Variants in CDH18 observed in about 807,000 individuals in gnomAD.
The protein encoded by CDH18 is cadherin 18, also known as cadherin-18.
A neutral mutation model predicts 67.9 loss-of-function variants in CDH18; 31 were observed. The ratio of observed to expected loss-of-function variants is 0.46; its 90% CI spans 0.34 to 0.62. CDH18 has a LOEUF of 0.62. CDH18 is among the 20% of genes least tolerant of loss of function. CDH18 has a pLI of 0.01. For synonymous variants in CDH18, 362 were observed against 347.2 expected (o/e 1.04, Z -0.48); for missense variants, 890 against 975.5 (o/e 0.91, Z 1.17).
At chr5:19,710,352 G>A (rs1764556812) in intron 5 of CDH18, among the ~76,000 whole-genome samples, 1 of 152,072 alleles carries the variant, frequency 6.6e-6, no homozygotes, top group Admixed American at 6.6e-5. Flanking sequence ...TGTCTTCTAT[G>A]TGTCACACAA....
Position 20,042,966 on chromosome 5 carries a change from A to AAATTAATT in CDH18, c.-517-50960_-517-50953dup, listed in dbSNP as rs36074065. On this transcript the variant is annotated intron_variant, in intron 2 of 14. Transcript: ENST00000507958. ...GACAGAGCCAGACTCCGTCTCAAAA[A>AAATTAATT]AATTAATTAATTAATTAATTAATTA... 2.1e-4 allele frequency among the ~76,000 whole-genome samples: 32 copies of AAATTAATT among 151,604 alleles called. No homozygotes were observed. In the East Asian group the frequency reaches 4.9e-3, roughly 23 times the overall value.
chr5:19,609,481 C>T (rs1299674173), intron 6 of CDH18, among the ~76,000 whole-genome samples: 2 of 151,954 alleles, frequency 1.3e-5, no homozygotes, highest in African/African-American at 2.4e-5. Context: ...TCCTAAGCTA[C>T]TGAGTTTGTA....
chr5:19,521,748 A>C (rs945899270), intron 9 of CDH18, among the ~76,000 whole-genome samples: 5 of 152,092 alleles, frequency 3.3e-5, no homozygotes, highest in Admixed American at 6.6e-5. Context: ...TGCTGTATTA[A>C]AGTAACTAGA....
chr5:20,056,112 C>A lies in CDH18; in HGVS notation c.-517-64098G>T, dbSNP rs555312005. Among the ~76,000 whole-genome samples, 5 of 143,230 alleles carry A rather than the reference C, an allele frequency of 3.5e-5. 1 individual carries two copies. The South Asian group carries it at 1.1e-3, about 33-fold the overall frequency. The allele number at this position is 143,230 out of a possible 152,430, so 94.0% of individuals were successfully genotyped here. On this transcript the variant is annotated intron_variant, in intron 2 of 14. Coordinates refer to the CDH18 transcript ENST00000507958. Reference sequence around the variant, plus strand: ...CTCTGCCTCCTAGGTTCAAGCAATTCTCCTGTCTCAACCACCCTAGTAGCT... The same window carrying A: ...CTCTGCCTCCTAGGTTCAAGCAATTATCCTGTCTCAACCACCCTAGTAGCT...
chr5:19,581,264 C>T (rs920053340), intron 7 of CDH18, among the ~76,000 whole-genome samples: 7 of 152,002 alleles, frequency 4.6e-5, no homozygotes, highest in Non-Finnish European at 1.0e-4. Context: ...TCCTATAACT[C>T]CTAATTACTT....
chr5:20,148,383 C>G (rs1044326791), intron 2 of CDH18, among the ~76,000 whole-genome samples: 4 of 152,136 alleles, frequency 2.6e-5, no homozygotes, highest in Non-Finnish European at 5.9e-5. Flanking sequence ...ATGCGTGAGC[C>G]ACCGTGCCTG....
intron 2 of CDH18, among the ~76,000 whole-genome samples, chr5:20,190,862 C>A (rs935084244): frequency 2.6e-5 from 4 of 152,186 alleles, no homozygotes; most frequent in Admixed American, 6.6e-5. Flanking sequence ...ATTCCCTTTT[C>A]CTATTTTTGG....
chr5:20,042,398 T>C (rs1015129315), intron 2 of CDH18, among the ~76,000 whole-genome samples: 4 of 152,206 alleles, frequency 2.6e-5, no homozygotes, highest in Admixed American at 6.5e-5. Context: ...GGAAACTTTT[T>C]CCCTAAGATT....
chr5:19,857,295 C>A (rs1257497861), intron 2 of CDH18, among the ~76,000 whole-genome samples: 1 of 150,998 alleles, frequency 6.6e-6, no homozygotes, highest in African/African-American at 2.4e-5. Flanking sequence ...TCACTAGTCA[C>A]AACTGGAAAG....
chr5:19,608,863 T>A (rs745895932), intron 6 of CDH18, among the ~76,000 whole-genome samples: 4 of 151,916 alleles, frequency 2.6e-5, no homozygotes, highest in Non-Finnish European at 4.4e-5. Context: ...TTGTGATTAT[T>A]TGGCATGTGT....
chr5:19,653,728 T>A (rs1755914840), intron 5 of CDH18, among the ~76,000 whole-genome samples: 1 of 152,158 alleles, frequency 6.6e-6, no homozygotes, highest in African/African-American at 2.4e-5. Flanking sequence ...GGGCTTTCTG[T>A]CTCTTCCACC....
At chr5:20,287,944 C>G (rs1746808556) in intron 1 of CDH18, among the ~76,000 whole-genome samples, 1 of 151,722 alleles carries the variant, frequency 6.6e-6, no homozygotes, top group Admixed American at 6.6e-5. Context: ...AGCTGAAGCC[C>G]TCGTAGCAGT....
intron 2 of CDH18, among the ~76,000 whole-genome samples, chr5:20,194,986 G>C (rs1738856952): frequency 6.6e-6 from 1 of 151,912 alleles, no homozygotes; most frequent in Non-Finnish European, 1.5e-5. Context: ...AGTTGGTCTG[G>C]TTAATAAATT....
At chr5:20,199,252 C>T (rs1231787046) in intron 2 of CDH18, among the ~76,000 whole-genome samples, 1 of 152,216 alleles carries the variant, frequency 6.6e-6, no homozygotes, top group Non-Finnish European at 1.5e-5. Context: ...GGGATGGGGG[C>T]TGTACCCTGC....
At chr5:20,328,505 G>A in intron 1 of CDH18, among the ~76,000 whole-genome samples, 1 of 148,906 alleles carries the variant, frequency 6.7e-6, no homozygotes, top group South Asian at 2.1e-4. Flanking sequence ...GTGTGTGTGT[G>A]TGTGAGAGAG....
At position 20,050,466 on chromosome 5, in the gene CDH18, T is replaced by C. The variant is rs78176697; in HGVS notation, c.-517-58452A>G. Among the ~76,000 whole-genome samples, 150 of 151,918 alleles carry C rather than the reference T, an allele frequency of 9.9e-4. 2 individuals are homozygous for C. The East Asian group carries it at 0.023, about 24-fold the overall frequency. On this transcript the variant is annotated intron_variant, in intron 2 of 14. Coordinates refer to the CDH18 transcript ENST00000507958. ...AGGAGAGGATTAGAAGTCAATGGTTTACAAATGTTTAAGCTCACATTGTAG... is the reference window on the plus strand; with the variant it reads ...AGGAGAGGATTAGAAGTCAATGGTTCACAAATGTTTAAGCTCACATTGTAG...
At chr5:20,172,223 T>TATACGTATATATATGTATATATATAC (rs1554098639) in intron 2 of CDH18, among the ~76,000 whole-genome samples, 6 of 43,922 alleles carry the variant, frequency 1.4e-4, no homozygotes, top group South Asian at 7.5e-4. Context: ...TATATATATA[T>TATACGTATATATATGTATATATATAC]GTATATATAT....
intron 2 of CDH18, among the ~76,000 whole-genome samples, chr5:20,089,234 T>C (rs1745226739): frequency 6.6e-6 from 1 of 152,136 alleles, no homozygotes; most frequent in African/African-American, 2.4e-5. Flanking sequence ...TTTTTTTGTT[T>C]CATTGTTTCT....
chr5:20,295,475 T>C (rs1224568004), intron 1 of CDH18, among the ~76,000 whole-genome samples: 3 of 152,172 alleles, frequency 2.0e-5, no homozygotes, highest in East Asian at 3.9e-4. Context: ...ACGCCTGTAG[T>C]CCCAGCGCTT....
Sources: gnomAD v4.1 joint callset for allele counts (sites outside exome capture counted in the v4.1 genomes callset) on GRCh38, gnomAD v4.1.1 for gene constraint, MANE v1.5 for transcripts, NCBI Gene and HGNC (gene_info 2026-07-23, HGNC 2026-07-21) for gene names.